TBCK: variants seen among roughly 807,000 people sequenced by gnomAD.
TBCK encodes TBC domain-containing protein kinase-like protein.
Under a neutral mutation model 113.4 loss-of-function variants are expected in TBCK, and 99 were observed. That is an observed-to-expected ratio of 0.87 (90% CI 0.74 to 1.03). TBCK has a LOEUF of 1.03. Ranked by LOEUF, TBCK falls within the 50% of genes least tolerant of loss-of-function variation. The probability of loss-of-function intolerance (pLI) is 0.00; values close to 1 mark genes in which losing one functional copy is unlikely to be tolerated. For synonymous variants in TBCK, 369 were observed against 370.8 expected (o/e 1.00, Z 0.05); for missense variants, 1,045 against 1,061.3 (o/e 0.98, Z 0.21).
chr4:106,230,314 A>AGTACATCAGTAGTT (rs778190334), intron 19 of TBCK, 49 bp downstream of exon 19: 1 of 1,203,050 alleles, frequency 8.3e-7, no homozygotes, highest in Non-Finnish European at 1.2e-6. Flanking sequence ...TCAGCACACC[A>AGTACATCAGTAGTT]GTACATCAGT....
chr4:106,092,218 T>G (rs1025536324), intron 25 of TBCK, among the ~76,000 whole-genome samples: 3 of 152,198 alleles, frequency 2.0e-5, no homozygotes, highest in African/African-American at 7.2e-5. Flanking sequence ...GGGTGCTGAC[T>G]GGTATGTTTA....
At chr4:106,109,018 TACAC>T (rs112164356) in intron 24 of TBCK, among the ~76,000 whole-genome samples, 5,389 of 140,534 alleles carry the variant, frequency 0.038, 318 homozygotes, top group Admixed American at 0.16. Flanking sequence ...GACACACACA[TACAC>T]ACACACACAC....
At chr4:106,232,185 T>A (rs1229837219) in intron 17 of TBCK, among the ~76,000 whole-genome samples, 1 of 151,766 alleles carries the variant, frequency 6.6e-6, no homozygotes, top group African/African-American at 2.4e-5. Flanking sequence ...TGAAAAAAAA[T>A]TCTTTAAAAA....
chr4:106,218,903 A>G (rs1757323864), intron 19 of TBCK, among the ~76,000 whole-genome samples: 1 of 150,996 alleles, frequency 6.6e-6, no homozygotes, highest in Non-Finnish European at 1.5e-5. Context: ...TCATGCTGCT[A>G]TAAAGACACA....
chr4:106,178,411 G>T (rs1221422341), intron 22 of TBCK, among the ~76,000 whole-genome samples: 1 of 151,842 alleles, frequency 6.6e-6, no homozygotes, highest in Non-Finnish European at 1.5e-5. Context: ...TTACAAAAAA[G>T]CCTGTTGGTT....
At chr4:106,246,080 C>T (rs974315859) in intron 10 of TBCK, among the ~76,000 whole-genome samples, 1 of 152,170 alleles carries the variant, frequency 6.6e-6, no homozygotes, top group African/African-American at 2.4e-5. Context: ...TCCCTCATAT[C>T]TCAAGGCAAC....
intron 25 of TBCK, among the ~76,000 whole-genome samples, chr4:106,081,647 T>C (rs183576002): frequency 6.6e-6 from 1 of 151,208 alleles, no homozygotes; most frequent in Admixed American, 6.6e-5. Flanking sequence ...AACCTGCACA[T>C]CCTGTATGTA....
At chr4:106,310,771 A>T (rs1242434231) in intron 1 of TBCK, among the ~76,000 whole-genome samples, 1 of 152,210 alleles carries the variant, frequency 6.6e-6, no homozygotes, top group East Asian at 1.9e-4. Flanking sequence ...ATAGTTGAGG[A>T]AAGACTACAG....
chr4:106,127,821 T>C, intron 23 of TBCK, among the ~76,000 whole-genome samples: 1 of 152,284 alleles, frequency 6.6e-6, no homozygotes, highest in African/African-American at 2.4e-5. Flanking sequence ...TTCTATCTTA[T>C]TTTCAAAGTA....
At chr4:106,123,817 G>A (rs1299253819) in intron 23 of TBCK, among the ~76,000 whole-genome samples, 2 of 148,694 alleles carry the variant, frequency 1.3e-5, no homozygotes, top group African/African-American at 4.9e-5. Flanking sequence ...GCTGAAACTG[G>A]ATCCCTTCCT....
chr4:106,197,386 AGTGT>A (rs70941239), intron 20 of TBCK, among the ~76,000 whole-genome samples: 201 of 119,024 alleles, frequency 1.7e-3, no homozygotes, highest in Non-Finnish European at 2.5e-3. Flanking sequence ...AACATATCTG[AGTGT>A]GTGTGTGTGT....
chr4:106,228,291 T>C (rs1560864439), intron 19 of TBCK, among the ~76,000 whole-genome samples: 1 of 151,792 alleles, frequency 6.6e-6, no homozygotes, highest in Non-Finnish European at 1.5e-5. Flanking sequence ...TTATTAACTG[T>C]AGTCACCCTG....
chr4:106,113,895 C>T (rs924097201), intron 24 of TBCK, among the ~76,000 whole-genome samples: 2 of 152,178 alleles, frequency 1.3e-5, no homozygotes, highest in Admixed American at 1.3e-4. Flanking sequence ...ACAAACACCC[C>T]CTTCTCAGCT....
chr4:106,216,146 T>C (rs1756884045), intron 19 of TBCK, among the ~76,000 whole-genome samples: 1 of 151,770 alleles, frequency 6.6e-6, no homozygotes, highest in Non-Finnish European at 1.5e-5. Flanking sequence ...AAGGCAGAAA[T>C]AAAGATGTTC....
chr4:106,279,907 C>T (rs1764410246), intron 3 of TBCK, among the ~76,000 whole-genome samples: 2 of 152,026 alleles, frequency 1.3e-5, no homozygotes, highest in Admixed American at 1.3e-4. Context: ...AGTGAAGATA[C>T]CTTTTTGATA....
intron 24 of TBCK, among the ~76,000 whole-genome samples, chr4:106,104,729 G>A (rs1262018588): frequency 1.3e-5 from 2 of 152,246 alleles, no homozygotes; most frequent in African/African-American, 4.8e-5. Flanking sequence ...CAGACACTTG[G>A]TATAGGTGCC....
chr4:106,055,585 AT>A (rs893872830), intron 25 of TBCK, among the ~76,000 whole-genome samples: 2 of 150,220 alleles, frequency 1.3e-5, no homozygotes, highest in African/African-American at 2.4e-5. Context: ...CATATATATA[AT>A]TTTTTTTCTT....
chr4:106,121,042 A>C (rs932400472), intron 23 of TBCK, among the ~76,000 whole-genome samples: 1 of 152,154 alleles, frequency 6.6e-6, no homozygotes, highest in Non-Finnish European at 1.5e-5. Context: ...CATTCAAACC[A>C]AAGGCAAAGA....
intron 23 of TBCK, among the ~76,000 whole-genome samples, chr4:106,145,891 A>T (rs958796566): frequency 6.6e-6 from 1 of 152,202 alleles, no homozygotes; most frequent in Non-Finnish European, 1.5e-5. Context: ...AAAAGTCAAA[A>T]AAACAGATGC....
Sources: allele counts gnomAD v4.1 joint callset (sites outside exome capture counted in the v4.1 genomes callset), GRCh38; gene constraint gnomAD v4.1.1; transcripts MANE v1.5; gene names NCBI Gene and HGNC (gene_info 2026-07-23, HGNC 2026-07-21).